The following MYO1D variants were observed in gnomAD, a reference collection of about 807,000 sequenced individuals.
The protein encoded by MYO1D is unconventional myosin-Id.
A neutral mutation model predicts 122.0 loss-of-function variants in MYO1D; 83 were observed. The observed-to-expected ratio is 0.68, with a 90% CI of 0.57 to 0.82. The LOEUF (loss-of-function observed/expected upper bound fraction) is 0.82. Among genes scored for constraint, MYO1D ranks in the 40% least tolerant of loss-of-function variants. The pLI, the probability that MYO1D is intolerant of heterozygous loss-of-function variation, is 0.00. For missense variants in MYO1D, 1,157 were observed against 1,269.5 expected, an observed-to-expected ratio of 0.91 and a Z score of 1.35; for synonymous variants, 464 against 446.9, an observed-to-expected ratio of 1.04 and a Z score of -0.48.
At chr17:32,808,152 C>A (rs2470229) in intron 1 of MYO1D, among the ~76,000 whole-genome samples, 12 of 151,816 alleles carry the variant, frequency 7.9e-5, no homozygotes, top group Admixed American at 5.2e-4. Flanking sequence ...GGTGGGAGGA[C>A]TGTTTGAGGT....
intron 21 of MYO1D, among the ~76,000 whole-genome samples, chr17:32,537,379 C>T (rs1910693840): frequency 6.6e-6 from 1 of 152,250 alleles, no homozygotes; most frequent in South Asian, 2.1e-4. Flanking sequence ...GCTTTTGTGA[C>T]ACAATGGAAG....
intron 7 of MYO1D, among the ~76,000 whole-genome samples, chr17:32,765,625 A>AT (rs1200386187): frequency 1.3e-5 from 2 of 151,806 alleles, no homozygotes; most frequent in African/African-American, 4.8e-5. Flanking sequence ...CGCCCAGCTA[A>AT]TTTTTTGTAT....
At chr17:32,566,436 T>C (rs774194129) in intron 21 of MYO1D, among the ~76,000 whole-genome samples, 1 of 151,900 alleles carries the variant, frequency 6.6e-6, no homozygotes, top group Non-Finnish European at 1.5e-5. Flanking sequence ...AGGTAGGCAG[T>C]GAGGGGCTTT....
intron 1 of MYO1D, among the ~76,000 whole-genome samples, chr17:32,861,163 G>C (rs2151087490): frequency 6.9e-6 from 1 of 145,664 alleles, no homozygotes; most frequent in South Asian, 2.2e-4. Context: ...CCGCCTCCCA[G>C]GTTCATGCCA....
At position 32,876,980 on chromosome 17, in the gene MYO1D, G is replaced by A. The variant is rs1202355179; in HGVS notation, c.-108C>T. 1 of 526,240 alleles carries A rather than the reference G, an allele frequency of 1.9e-6. No homozygotes were observed. Among genetic ancestry groups the A allele is most frequent in the Non-Finnish European group, 2.8e-6 (1 of 360,208 alleles). The allele number at this position is 526,240 out of a possible 1,614,324, so 32.6% of individuals were successfully genotyped here. A position where few individuals can be genotyped will look rare whatever the true frequency, so the allele number is the denominator to read the frequency against. The stretch of plus-strand genomic sequence containing the variant: ...GGGCGAGGCCGCGCCGCGAGGCTAC[G>A]GGGAGGGGGCGCGCACGCCGCTCGG... On this transcript the variant is annotated 5_prime_UTR_variant, in exon 1 of 22. Coordinates refer to ENST00000318217, the MANE Select transcript of MYO1D (RefSeq NM_015194.3).
Position 32,764,982 on chromosome 17 carries a change from C to T in MYO1D, c.931G>A (p.Val311Ile). ...GTCCGGTAAAGAAGGGCTTTCTCAA[C>T]CATATCTGTCTTAGTAGAGAGCAAT... ...AELLSTKTDM[V>I]EKALLYRTVA... Residue 311 changes from valine (V) to isoleucine (I), a missense_variant, in exon 8 of 22, where the codon GTT becomes ATT. Transcript: ENST00000318217. The T allele has an allele frequency of 5.0e-6, 8 of 1,614,178 alleles. No individual in the cohort carries two copies. The highest frequency in any genetic ancestry group is 6.8e-6 in the Non-Finnish European group (8 of 1,180,026).
intron 4 of MYO1D, 73 bp from the exon 5 acceptor site, chr17:32,772,915 G>A: frequency 8.2e-7 from 1 of 1,213,728 alleles, no homozygotes; most frequent in South Asian, 1.2e-5. Flanking sequence ...ACTTTCTTAG[G>A]GAACTGTCAG....
At chr17:32,591,582 G>A (rs752563856) in intron 21 of MYO1D, among the ~76,000 whole-genome samples, 16 of 151,408 alleles carry the variant, frequency 1.1e-4, no homozygotes, top group Middle Eastern at 3.2e-3. Flanking sequence ...TTTCCATCCC[G>A]CCTTTCTTCA....
intron 10 of MYO1D, 163 bp from the exon 11 acceptor site, chr17:32,755,825 C>G: frequency 3.8e-6 from 2 of 531,644 alleles, no homozygotes; most frequent in South Asian, 6.6e-5. Flanking sequence ...CACATTCTAA[C>G]AGAGGTTTAT....
At chr17:32,610,967 C>A (rs1404797645) in intron 20 of MYO1D, among the ~76,000 whole-genome samples, 7 of 152,204 alleles carry the variant, frequency 4.6e-5, no homozygotes, top group Non-Finnish European at 1.0e-4. Flanking sequence ...TATGATAAAT[C>A]TAAGCCTTCC....
At chr17:32,690,166 C>G (rs1008785188) in intron 16 of MYO1D, among the ~76,000 whole-genome samples, 1 of 151,014 alleles carries the variant, frequency 6.6e-6, no homozygotes, top group African/African-American at 2.4e-5. Flanking sequence ...TTGGGGTATC[C>G]GTTCCCTTGA....
chr17:32,630,919 C>A (rs1244713866), intron 20 of MYO1D, among the ~76,000 whole-genome samples: 1 of 152,146 alleles, frequency 6.6e-6, no homozygotes, highest in African/African-American at 2.4e-5. Context: ...TTGTAGATGG[C>A]TGTCTTCTCT....
chr17:32,569,224 A>G (rs1030741886), intron 21 of MYO1D, among the ~76,000 whole-genome samples: 1 of 152,234 alleles, frequency 6.6e-6, no homozygotes, highest in African/African-American at 2.4e-5. Flanking sequence ...GAAGTAATAT[A>G]TGAGCAATCT....
At chr17:32,677,488 G>C (rs1016595895) in intron 16 of MYO1D, among the ~76,000 whole-genome samples, 4 of 151,506 alleles carry the variant, frequency 2.6e-5, no homozygotes, top group Admixed American at 2.6e-4. Context: ...CAGGCAATAA[G>C]AAGGGTTAAT....
At chr17:32,534,274 C>T (rs1185013934) in intron 21 of MYO1D, among the ~76,000 whole-genome samples, 1 of 152,150 alleles carries the variant, frequency 6.6e-6, no homozygotes, top group Non-Finnish European at 1.5e-5. Context: ...TCAAGTGATT[C>T]TCCTGCCTCA....
At chr17:32,516,685 G>T (rs1038683229) in intron 21 of MYO1D, among the ~76,000 whole-genome samples, 3 of 152,196 alleles carry the variant, frequency 2.0e-5, no homozygotes, top group Admixed American at 6.5e-5. Flanking sequence ...AAGGCCAATT[G>T]CATCTGATAC....
chr17:32,764,931 C>T lies in MYO1D; in HGVS notation c.982G>A (p.Asp328Asn), dbSNP rs1275217652. Residue 328 changes from aspartate (D) to asparagine (N), a missense_variant, in exon 8 of 22, where the codon GAC becomes AAC. Asp to Asn is a conservative substitution (Grantham distance 23). Transcript: ENST00000318217. ...GCCTCTTGTTCTGTGTGCTGCTTGT[C>T]AATGATGTCACGGCCTGTGGCCACA... Reference protein sequence around the residue: ...RTVATGRDIIDKQHTEQEASY... With the variant: ...RTVATGRDIINKQHTEQEASY... 2 of 1,614,058 alleles carry T rather than the reference C, an allele frequency of 1.2e-6. No individual in the cohort carries two copies. The highest frequency in any genetic ancestry group is 1.3e-5 in the African/African-American group (1 of 74,934).
At chr17:32,667,014 G>C (rs926328266) in intron 16 of MYO1D, among the ~76,000 whole-genome samples, 4 of 152,232 alleles carry the variant, frequency 2.6e-5, no homozygotes, top group Admixed American at 1.3e-4. Context: ...ATTGAGATAA[G>C]TCTACATAAC....
intron 1 of MYO1D, among the ~76,000 whole-genome samples, chr17:32,808,766 T>G (rs2151048692): frequency 6.6e-6 from 1 of 152,272 alleles, no homozygotes; most frequent in East Asian, 1.9e-4. Flanking sequence ...GGTGGCAGTC[T>G]GCAACCCAGC....
Sources: gnomAD v4.1 joint callset for allele counts (sites outside exome capture counted in the v4.1 genomes callset) on GRCh38, gnomAD v4.1.1 for gene constraint, MANE v1.5 for transcripts, NCBI Gene and HGNC (gene_info 2026-07-23, HGNC 2026-07-21) for gene names.